The following AFG1L variants were observed in gnomAD, a reference collection of about 807,000 sequenced individuals.
AFG1L encodes AFG1-like ATPase.
Under a neutral mutation model 62.2 loss-of-function variants are expected in AFG1L, and 53 were observed. The ratio of observed to expected loss-of-function variants is 0.85; its 90% CI spans 0.68 to 1.07. The LOEUF is 1.07. AFG1L is among the 50% of genes least tolerant of loss of function. The pLI is 0.00. For missense variants in AFG1L, 555 were observed against 590.5 expected (o/e 0.94, Z 0.62); for synonymous variants, 228 against 210.3 (o/e 1.08, Z -0.73).
At chr6:108,314,973 G>T (rs1262151876) in intron 1 of AFG1L, among the ~76,000 whole-genome samples, 3 of 151,984 alleles carry the variant, frequency 2.0e-5, no homozygotes, top group African/African-American at 7.3e-5. Flanking sequence ...TGAGTAGATG[G>T]GGTTACAGGC....
chr6:108,480,801 AT>A (rs1773296876), intron 10 of AFG1L, among the ~76,000 whole-genome samples: 2 of 152,228 alleles, frequency 1.3e-5, no homozygotes, highest in Admixed American at 1.3e-4. Context: ...CAATAAATAA[AT>A]AAATAAATAA....
chr6:108,474,190 C>T (rs551036843), intron 8 of AFG1L, among the ~76,000 whole-genome samples: 71 of 152,252 alleles, frequency 4.7e-4, no homozygotes, highest in African/African-American at 1.6e-3. Flanking sequence ...CAGCTCCATC[C>T]ATGTGCCTGC....
chr6:108,441,986 T>C (rs1269501589), intron 7 of AFG1L, among the ~76,000 whole-genome samples: 2 of 152,096 alleles, frequency 1.3e-5, no homozygotes, highest in African/African-American at 4.8e-5. Context: ...TTAGGAATAC[T>C]GAGTCATATA....
At position 108,366,269 on chromosome 6, in the gene AFG1L, CT is replaced by C; in HGVS notation, c.690del (p.Phe230LeufsTer36). On this transcript the variant is annotated frameshift_variant, in exon 6 of 13. Transcript: ENST00000368977. LOFTEE classifies it high-confidence loss of function. ...TGCTGATGCCATGATTCTGAAACAG[CT>C]TTTTGAAAATCTGTTCAAAAACGGG... The part of the protein sequence containing the change: ...DIADAMILKQ[L>X]FENLFKNGVV... The C allele has an allele frequency of 1.2e-6, 2 of 1,611,016 alleles. No individual in the cohort carries two copies. The highest frequency in any genetic ancestry group is 2.2e-5 in the South Asian group (2 of 90,750).
intron 6 of AFG1L, among the ~76,000 whole-genome samples, chr6:108,380,882 A>G (rs1780477066): frequency 6.6e-6 from 1 of 152,144 alleles, no homozygotes. Flanking sequence ...TTTCTCACAT[A>G]CTGGGGCTTC....
intron 10 of AFG1L, among the ~76,000 whole-genome samples, chr6:108,502,721 A>G (rs1774256255): frequency 6.6e-6 from 1 of 152,238 alleles, no homozygotes; most frequent in African/African-American, 2.4e-5. Flanking sequence ...TCTTAAAATA[A>G]GACAATGAAC....
intron 10 of AFG1L, among the ~76,000 whole-genome samples, chr6:108,503,292 T>C (rs183854718): frequency 4.3e-4 from 66 of 152,374 alleles, no homozygotes; most frequent in African/African-American, 1.5e-3. Flanking sequence ...ATGTGGCAGC[T>C]ATGGCCTTCC....
chr6:108,500,329 A>G (rs1774145860), intron 10 of AFG1L, among the ~76,000 whole-genome samples: 3 of 151,878 alleles, frequency 2.0e-5, no homozygotes, highest in African/African-American at 7.2e-5. Flanking sequence ...TTGTAAGTTT[A>G]TTTTTCTTCT....
rs1773148168 is a variant in AFG1L at position 108,477,304 on chromosome 6, G to C, written c.1062+12G>C. The C allele has an allele frequency of 7.1e-6, 11 of 1,543,516 alleles. No homozygotes were observed. Among genetic ancestry groups the C allele is most frequent in the Non-Finnish European group, 9.8e-6 (11 of 1,127,938 alleles). The stretch of plus-strand genomic sequence containing the variant: ...AGCTGTGTGAGAGAGTAAGTATCCA[G>C]GCACGTCCAGACTCACTGGCCTTTT... On this transcript the variant is annotated intron_variant, in intron 10 of 12. Coordinates refer to ENST00000368977, the MANE Select transcript of AFG1L (RefSeq NM_145315.5).
At chr6:108,319,856 G>A in intron 1 of AFG1L, 1 of 374,810 alleles carries the variant, frequency 2.7e-6, no homozygotes, top group Non-Finnish European at 5.4e-6. Flanking sequence ...GGTAGTCTCA[G>A]GCCTGTTGTG....
chr6:108,398,509 A>ATG (rs1781413336), intron 6 of AFG1L, among the ~76,000 whole-genome samples: 1 of 152,174 alleles, frequency 6.6e-6, no homozygotes, highest in Admixed American at 6.5e-5. Flanking sequence ...CTTGTGAAGT[A>ATG]TGACTCAAGA....
At chr6:108,500,186 G>GAA (rs1338303392) in intron 10 of AFG1L, among the ~76,000 whole-genome samples, 1 of 150,858 alleles carries the variant, frequency 6.6e-6, no homozygotes, top group Non-Finnish European at 1.5e-5. Context: ...GTGTGTGTGT[G>GAA]TGTGTGTGTG....
At chr6:108,390,750 C>T (rs1781018300) in intron 6 of AFG1L, among the ~76,000 whole-genome samples, 2 of 152,216 alleles carry the variant, frequency 1.3e-5, no homozygotes, top group Admixed American at 1.3e-4. Context: ...GGGGTACCCA[C>T]TGTGTGAGGT....
At chr6:108,515,657 G>C (rs890110095) in intron 11 of AFG1L, among the ~76,000 whole-genome samples, 2 of 152,152 alleles carry the variant, frequency 1.3e-5, no homozygotes, top group African/African-American at 4.8e-5. Flanking sequence ...GATCAGAATA[G>C]AACGGAAGAA....
chr6:108,316,103 C>T (rs943661932), intron 1 of AFG1L, among the ~76,000 whole-genome samples: 5 of 151,754 alleles, frequency 3.3e-5, no homozygotes, highest in South Asian at 4.2e-4. Flanking sequence ...GAAAGTTGGC[C>T]GGGCGCGGTG....
At chr6:108,426,930 A>G (rs1770840462) in intron 7 of AFG1L, among the ~76,000 whole-genome samples, 1 of 151,942 alleles carries the variant, frequency 6.6e-6, no homozygotes, top group Non-Finnish European at 1.5e-5. Context: ...TTTTCTTTAC[A>G]TTTATGTGCA....
At chr6:108,317,827 T>C (rs1369868039) in intron 1 of AFG1L, among the ~76,000 whole-genome samples, 1 of 152,160 alleles carries the variant, frequency 6.6e-6, no homozygotes, top group Admixed American at 6.5e-5. Flanking sequence ...CAGGCAGAGC[T>C]TGGAGGTCAG....
chr6:108,360,248 C>T (rs1259826498), intron 5 of AFG1L, among the ~76,000 whole-genome samples: 1 of 152,182 alleles, frequency 6.6e-6, no homozygotes, highest in African/African-American at 2.4e-5. Context: ...ACAGGTTCAG[C>T]CTCACTCATT....
chr6:108,337,726 A>G (rs1003334263), intron 2 of AFG1L, among the ~76,000 whole-genome samples: 1 of 152,210 alleles, frequency 6.6e-6, no homozygotes, highest in Non-Finnish European at 1.5e-5. Context: ...GACATATATC[A>G]TATATTATGG....
Sources: gnomAD v4.1 joint callset for allele counts (sites outside exome capture counted in the v4.1 genomes callset) on GRCh38, gnomAD v4.1.1 for gene constraint, MANE v1.5 for transcripts, NCBI Gene and HGNC (gene_info 2026-07-23, HGNC 2026-07-21) for gene names.